The following NRXN3 variants were observed in gnomAD, a reference collection of about 807,000 sequenced individuals.
NRXN3 encodes the protein neurexin III.
A neutral mutation model predicts 137.6 loss-of-function variants in NRXN3; 32 were observed. The ratio of observed to expected loss-of-function variants is 0.23; its 90% CI spans 0.18 to 0.31. The LOEUF (loss-of-function observed/expected upper bound fraction) is 0.31, where lower values mean the gene tolerates loss of function less well. Ranked by LOEUF, NRXN3 falls within the 10% of genes least tolerant of loss-of-function variation. The pLI is 1.00. For missense variants in NRXN3, 1,574 were observed against 2,062.5 expected, an observed-to-expected ratio of 0.76 and a Z score of 4.59; for synonymous variants, 798 against 784.5, an observed-to-expected ratio of 1.02 and a Z score of -0.29.
intron 4 of NRXN3, among the ~76,000 whole-genome samples, chr14:78,311,599 C>T (rs977243280): frequency 1.3e-5 from 2 of 152,108 alleles, no homozygotes; most frequent in Admixed American, 6.6e-5. Flanking sequence ...CATGTGTGGC[C>T]TAAGTCAATT....
intron 10 of NRXN3, among the ~76,000 whole-genome samples, chr14:78,956,842 G>A (rs2099397718): frequency 6.6e-6 from 1 of 152,118 alleles, no homozygotes; most frequent in Admixed American, 6.5e-5. Flanking sequence ...ATGCCAAATG[G>A]CCAAATTATT....
chr14:79,739,333 A>T (rs2098952567), intron 19 of NRXN3, among the ~76,000 whole-genome samples: 2 of 152,118 alleles, frequency 1.3e-5, no homozygotes, highest in Non-Finnish European at 2.9e-5. Context: ...GAGAAATACA[A>T]TTTGGGAGAC....
intron 4 of NRXN3, among the ~76,000 whole-genome samples, chr14:78,418,653 A>G (rs2093280563): frequency 6.6e-6 from 1 of 152,216 alleles, no homozygotes; most frequent in African/African-American, 2.4e-5. Context: ...TGGTCTTTAG[A>G]AACAAGCATT....
intron 16 of NRXN3, among the ~76,000 whole-genome samples, chr14:79,538,910 A>G (rs1330818640): frequency 1.3e-5 from 2 of 152,222 alleles, no homozygotes; most frequent in Non-Finnish European, 2.9e-5. Flanking sequence ...AAGCATTTTT[A>G]AAGCATTTAA....
intron 15 of NRXN3, among the ~76,000 whole-genome samples, chr14:79,315,625 A>G (rs1298104054): frequency 4.6e-5 from 7 of 152,220 alleles, no homozygotes; most frequent in African/African-American, 1.7e-4. Flanking sequence ...ATTACAATAA[A>G]TAACATCAGA....
intron 10 of NRXN3, among the ~76,000 whole-genome samples, chr14:78,912,057 C>T (rs898086581): frequency 1.3e-5 from 2 of 151,304 alleles, no homozygotes; most frequent in East Asian, 4.0e-4. Flanking sequence ...TCTCCTAATG[C>T]TATCCCTCCC....
At chr14:79,079,260 T>A (rs547084033) in intron 15 of NRXN3, among the ~76,000 whole-genome samples, 2 of 35,618 alleles carry the variant, frequency 5.6e-5, no homozygotes, top group East Asian at 1.3e-3. Flanking sequence ...TCTTGGAATT[T>A]GTGCAAATAA....
At chr14:78,607,823 C>T (rs942766861) in intron 4 of NRXN3, among the ~76,000 whole-genome samples, 3 of 152,120 alleles carry the variant, frequency 2.0e-5, no homozygotes, top group African/African-American at 7.2e-5. Flanking sequence ...CTTACATCCT[C>T]AGATATTCAC....
At chr14:79,831,616 CGG>C (rs2099323929) in intron 20 of NRXN3, among the ~76,000 whole-genome samples, 1 of 152,054 alleles carries the variant, frequency 6.6e-6, no homozygotes, top group Non-Finnish European at 1.5e-5. Context: ...TATTTTGGTT[CGG>C]CCCAGCTCCA....
intron 15 of NRXN3, among the ~76,000 whole-genome samples, chr14:79,046,939 C>T (rs764187349): frequency 3.9e-5 from 6 of 152,120 alleles, no homozygotes; most frequent in African/African-American, 9.7e-5. Flanking sequence ...TCTAGCTCAG[C>T]GACTTCTTTA....
intron 15 of NRXN3, among the ~76,000 whole-genome samples, chr14:79,308,030 T>C (rs1162886046): frequency 6.6e-6 from 1 of 152,112 alleles, no homozygotes; most frequent in African/African-American, 2.4e-5. Flanking sequence ...ACATGGACTT[T>C]CTTCTGTCTC....
chr14:78,388,296 G>T (rs1436275107), intron 4 of NRXN3, among the ~76,000 whole-genome samples: 1 of 152,128 alleles, frequency 6.6e-6, no homozygotes, highest in Non-Finnish European at 1.5e-5. Flanking sequence ...GAGTGTATGC[G>T]CAGCTGCAGG....
chr14:78,895,917 G>A (rs2099172756), intron 10 of NRXN3, among the ~76,000 whole-genome samples: 1 of 151,852 alleles, frequency 6.6e-6, no homozygotes, highest in Admixed American at 6.6e-5. Context: ...GACATGATTT[G>A]TGTTGCCTTC....
At chr14:78,513,035 C>A (rs762408041) in intron 4 of NRXN3, among the ~76,000 whole-genome samples, 16 of 152,186 alleles carry the variant, frequency 1.1e-4, no homozygotes, top group Non-Finnish European at 1.9e-4. Flanking sequence ...GTAAGGCCCT[C>A]TTCTTTTTGA....
intron 4 of NRXN3, among the ~76,000 whole-genome samples, chr14:78,490,739 T>C (rs2095651203): frequency 4.6e-5 from 7 of 152,174 alleles, no homozygotes. Context: ...TATATTAACA[T>C]TTATTACATT....
intron 15 of NRXN3, among the ~76,000 whole-genome samples, chr14:79,297,520 C>T (rs1442098165): frequency 6.6e-6 from 1 of 152,004 alleles, no homozygotes; most frequent in Non-Finnish European, 1.5e-5. Flanking sequence ...AGCATAATCA[C>T]TGGGGTTGTA....
intron 19 of NRXN3, among the ~76,000 whole-genome samples, chr14:79,723,866 C>T (rs556326661): frequency 5.9e-5 from 9 of 152,176 alleles, no homozygotes; most frequent in Middle Eastern, 6.8e-3. Flanking sequence ...CTGACAAGGG[C>T]GAGCAGTGGT....
At chr14:78,368,258 T>C (rs1567382996) in intron 4 of NRXN3, among the ~76,000 whole-genome samples, 1 of 152,132 alleles carries the variant, frequency 6.6e-6, no homozygotes, top group Non-Finnish European at 1.5e-5. Flanking sequence ...TTAAAAACAA[T>C]GTAGAAAGTA....
At chr14:79,597,828 C>T (rs2097875614) in intron 16 of NRXN3, among the ~76,000 whole-genome samples, 1 of 152,124 alleles carries the variant, frequency 6.6e-6, no homozygotes, top group Admixed American at 6.5e-5. Flanking sequence ...ATGAACCAGA[C>T]ATGGTGTTTG....
Sources: allele counts gnomAD v4.1 joint callset (sites outside exome capture counted in the v4.1 genomes callset), GRCh38; gene constraint gnomAD v4.1.1; transcripts MANE v1.5; gene names NCBI Gene and HGNC (gene_info 2026-07-23, HGNC 2026-07-21).